Variants in DNM3 observed in about 807,000 individuals in gnomAD.
DNM3 encodes dynamin 3, also known as dynamin-3.
Under a neutral mutation model 101.6 loss-of-function variants are expected in DNM3, and 47 were observed. The ratio of observed to expected loss-of-function variants is 0.46; its 90% CI spans 0.37 to 0.59. The LOEUF (loss-of-function observed/expected upper bound fraction) is 0.59. Ranked by LOEUF, DNM3 falls within the 20% of genes least tolerant of loss-of-function variation. The pLI is 0.00. For synonymous variants in DNM3, 385 were observed against 387.9 expected, an observed-to-expected ratio of 0.99 and a Z score of 0.09; for missense variants, 849 against 1,085.7, an observed-to-expected ratio of 0.78 and a Z score of 3.06.
intron 13 of DNM3, among the ~76,000 whole-genome samples, chr1:172,095,309 A>T (rs1358443562): frequency 6.6e-6 from 1 of 152,204 alleles, no homozygotes; most frequent in Non-Finnish European, 1.5e-5. Flanking sequence ...TTTAAATAAA[A>T]GATAAATCCT....
intron 8 of DNM3, among the ~76,000 whole-genome samples, chr1:172,043,982 C>T (rs1290395021): frequency 1.3e-5 from 2 of 152,184 alleles, no homozygotes; most frequent in Non-Finnish European, 2.9e-5. Context: ...AAAAGACAGC[C>T]ATTGTTAATT....
intron 11 of DNM3, among the ~76,000 whole-genome samples, chr1:172,070,208 C>G (rs540036715): frequency 6.6e-6 from 1 of 152,280 alleles, no homozygotes; most frequent in South Asian, 2.1e-4. Context: ...GAGGAGAAAA[C>G]AGGCTTTGTG....
At position 172,027,617 on chromosome 1, in the gene DNM3, C is replaced by CACAGAG. The variant is rs34981346; in HGVS notation, c.590-4784_590-4783insCAGAGA. 2.6e-3 allele frequency among the ~76,000 whole-genome samples: 381 copies of CACAGAG among 147,120 alleles called. 3 individuals are homozygous for CACAGAG. Among genetic ancestry groups the CACAGAG allele is most frequent in the African/African-American group, 8.9e-3 (343 of 38,670 alleles). On this transcript the variant is annotated intron_variant, in intron 4 of 20. Transcript: ENST00000627582. ...ACACACACACACACACACACACACACAGAGAGAGAGAAATTGGATACAGAG... is the reference window on the plus strand; with the variant it reads ...ACACACACACACACACACACACACACACAGAGAGAGAGAGAGAAATTGGATACAGAG...
chr1:172,314,311 C>G (rs2065216904), intron 16 of DNM3, among the ~76,000 whole-genome samples: 2 of 152,158 alleles, frequency 1.3e-5, no homozygotes, highest in Admixed American at 1.3e-4. Context: ...GTGAGCAACG[C>G]AGAAGACGGG....
rs370215011 is a variant in DNM3, at chr1:171,984,071, A to G, written c.236-3585A>G. Among the ~76,000 whole-genome samples, 7 of 152,236 alleles carry G rather than the reference A, an allele frequency of 4.6e-5. No homozygotes were observed. The South Asian group carries it at 1.2e-3, about 27-fold the overall frequency. ...TTCTCTCATATCGCAGCTTAAATCC[A>G]TCAGCAAATTCTGTTGCTTTTTCTT... On this transcript the variant is annotated intron_variant, in intron 2 of 20. Transcript: ENST00000627582.
intron 13 of DNM3, among the ~76,000 whole-genome samples, chr1:172,106,844 A>ATTTTTTTT (rs1289662689): frequency 9.8e-5 from 5 of 51,042 alleles, no homozygotes; most frequent in African/African-American, 1.4e-4. Flanking sequence ...AGGTAACATT[A>ATTTTTTTT]TTCTTTTTTT....
At chr1:172,288,562 T>C (rs961510308) in intron 15 of DNM3, among the ~76,000 whole-genome samples, 1 of 152,182 alleles carries the variant, frequency 6.6e-6, no homozygotes, top group African/African-American at 2.4e-5. Flanking sequence ...AGTTGGGTTT[T>C]TGTAATACAG....
chr1:172,284,222 T>G (rs1379418694), intron 15 of DNM3, among the ~76,000 whole-genome samples: 1 of 152,212 alleles, frequency 6.6e-6, no homozygotes, highest in Non-Finnish European at 1.5e-5. Flanking sequence ...TAAAAACCAC[T>G]AGGAGCTTTG....
intron 1 of DNM3, among the ~76,000 whole-genome samples, chr1:171,869,910 T>G (rs1391762988): frequency 6.6e-6 from 1 of 152,248 alleles, no homozygotes; most frequent in Admixed American, 6.5e-5. Context: ...TTCTGATGAT[T>G]CCTGTAATTT....
chr1:172,388,301 G>T (rs12405515), intron 19 of DNM3, among the ~76,000 whole-genome samples: 74,448 of 151,102 alleles, frequency 0.49, 20,710 homozygotes, highest in East Asian at 0.87. Context: ...TTTATATATA[G>T]AGAGAGAAAA....
intron 2 of DNM3, among the ~76,000 whole-genome samples, chr1:171,927,236 A>G (rs919654700): frequency 6.6e-6 from 1 of 152,200 alleles, no homozygotes; most frequent in Non-Finnish European, 1.5e-5. Context: ...AATCAGTTGT[A>G]TTTTTTAAAC....
chr1:172,042,669 G>C (rs143438189), intron 8 of DNM3, among the ~76,000 whole-genome samples: 2 of 152,138 alleles, frequency 1.3e-5, no homozygotes, highest in Non-Finnish European at 2.9e-5. Flanking sequence ...CTGGGGGAAA[G>C]GGGTTGTTCA....
chr1:172,383,196 C>A (rs1292191767), intron 18 of DNM3, among the ~76,000 whole-genome samples: 1 of 152,266 alleles, frequency 6.6e-6, no homozygotes, highest in Admixed American at 6.5e-5. Flanking sequence ...CATTGCTCCC[C>A]GCCAAGGCTA....
intron 14 of DNM3, among the ~76,000 whole-genome samples, chr1:172,189,728 C>T (rs142780203): frequency 6.6e-6 from 1 of 152,092 alleles, no homozygotes; most frequent in East Asian, 1.9e-4. Context: ...GCAGGCTGTA[C>T]AAGTGTGGCT....
chr1:172,295,229 G>A (rs528823593), intron 15 of DNM3, among the ~76,000 whole-genome samples: 13 of 152,262 alleles, frequency 8.5e-5, no homozygotes, highest in Admixed American at 2.6e-4. Flanking sequence ...ATCCAGAGAG[G>A]CAACTTTGAA....
At chr1:172,036,595 T>C (rs2048984239) in intron 6 of DNM3, among the ~76,000 whole-genome samples, 1 of 152,062 alleles carries the variant, frequency 6.6e-6, no homozygotes, top group African/African-American at 2.4e-5. Flanking sequence ...TAGCCATAGG[T>C]AGAAAGCTGA....
intron 15 of DNM3, among the ~76,000 whole-genome samples, chr1:172,296,881 G>A (rs967934259): frequency 1.3e-5 from 2 of 152,196 alleles, no homozygotes; most frequent in African/African-American, 2.4e-5. Flanking sequence ...AGTGGCTCAC[G>A]CCTGTAATCC....
At position 172,408,312 on chromosome 1, in the gene DNM3, A is replaced by G. The variant is rs1162407510; in HGVS notation, c.*471A>G. ...GCTACTACCTACTCCATAATTGCCT[A>G]TTTAGCTCCTCTTTTCTTCCTTTTT... On this transcript the variant is annotated 3_prime_UTR_variant, in exon 21 of 21. Transcript: ENST00000627582. 7 of 986,486 alleles carry G rather than the reference A, an allele frequency of 7.1e-6. No homozygotes were observed. The South Asian group carries it at 2.8e-4, about 40-fold the overall frequency. 61.1% of individuals were successfully genotyped at this position (986,486 alleles called of 1,614,324 possible). A position where few individuals can be genotyped will look rare whatever the true frequency, so the allele number is the denominator to read the frequency against.
chr1:172,308,441 T>C (rs899088298), intron 15 of DNM3, among the ~76,000 whole-genome samples: 3 of 152,234 alleles, frequency 2.0e-5, no homozygotes, highest in Admixed American at 6.5e-5. Context: ...TTCCAATCAG[T>C]TCACACCCAG....
Sources: gnomAD v4.1 joint callset for allele counts (sites outside exome capture counted in the v4.1 genomes callset) on GRCh38, gnomAD v4.1.1 for gene constraint, MANE v1.5 for transcripts, NCBI Gene and HGNC (gene_info 2026-07-23, HGNC 2026-07-21) for gene names.